The following EPHA8 variants were observed in gnomAD, a reference collection of about 807,000 sequenced individuals.
The protein encoded by EPHA8 is EPH receptor A8, also known as ephrin type-A receptor 8.
Under a neutral mutation model 103.6 loss-of-function variants are expected in EPHA8, and 58 were observed. That is an observed-to-expected ratio of 0.56 (90% CI 0.45 to 0.70). The LOEUF is 0.70. Ranked by LOEUF, EPHA8 falls within the 30% of genes least tolerant of loss-of-function variation. EPHA8 has a pLI of 0.00. For missense variants in EPHA8, 1,304 were observed against 1,395.2 expected (o/e 0.93, Z 1.04); for synonymous variants, 559 against 572.5 (o/e 0.98, Z 0.34).
At chr1:22,594,516 TC>T (rs1378107224) in intron 7 of EPHA8, among the ~76,000 whole-genome samples, 2 of 152,210 alleles carry the variant, frequency 1.3e-5, no homozygotes, top group Non-Finnish European at 2.9e-5. Flanking sequence ...TCCTCGGTGA[TC>T]CCCAGGCACT....
intron 1 of EPHA8, among the ~76,000 whole-genome samples, chr1:22,565,375 G>A (rs1044737062): frequency 7.9e-5 from 12 of 152,106 alleles, no homozygotes; most frequent in East Asian, 1.9e-4. Flanking sequence ...ACAGGTTCCC[G>A]GGGCACCAGG....
Position 22,600,817 on chromosome 1 carries a change from G to A in EPHA8, c.2538+7G>A, listed in dbSNP as rs375303403. ...GAACATGACCAACCGGGATGTGAGT[G>A]CCAAGCCCTGGCAGGTCCGCGGGCG... On this transcript the variant is annotated splice_region_variant and intron_variant, in intron 14 of 16. Coordinates refer to ENST00000166244, the MANE Select transcript of EPHA8 (RefSeq NM_020526.5). The A allele has an allele frequency of 8.1e-6, 13 of 1,602,164 alleles. No individual in the cohort carries two copies. Among genetic ancestry groups the A allele is most frequent in the African/African-American group, 2.7e-5 (2 of 74,768 alleles).
chr1:22,578,562 TGTTA>T (rs1557560997), intron 3 of EPHA8, among the ~76,000 whole-genome samples: 4 of 145,982 alleles, frequency 2.7e-5, no homozygotes, highest in African/African-American at 1.0e-4. Context: ...TGTGCACATT[TGTTA>T]GTGTCTGCAT....
chr1:22,564,536 G>A (rs1200297062), intron 1 of EPHA8, among the ~76,000 whole-genome samples: 1 of 152,028 alleles, frequency 6.6e-6, no homozygotes, highest in Non-Finnish European at 1.5e-5. Flanking sequence ...CTGGGGCCCT[G>A]TGTGGGAGGA....
At position 22,593,175 on chromosome 1, in the gene EPHA8, G is replaced by A. The variant is rs1352426612; in HGVS notation, c.1316-151G>A. On this transcript the variant is annotated intron_variant, in intron 5 of 16. Transcript: ENST00000166244. ...CCACCAGCGATTTGTTGGGAGAACTGGAGGGTGCTGGCTGTCCTGGGGCTG... is the reference window on the plus strand; with the variant it reads ...CCACCAGCGATTTGTTGGGAGAACTAGAGGGTGCTGGCTGTCCTGGGGCTG... The A allele has an allele frequency of 2.0e-5, 25 of 1,223,304 alleles. No homozygotes were observed. The East Asian group carries it at 6.2e-4, about 30-fold the overall frequency. 75.8% of individuals were successfully genotyped at this position (1,223,304 alleles called of 1,614,324 possible). A position where few individuals can be genotyped will look rare whatever the true frequency, so the allele number is the denominator to read the frequency against.
chr1:22,589,433 C>G lies in EPHA8; in HGVS notation c.1315+227C>G. ...GAAATCCCAAAAGCTCAGAGGCAGGCTAGTGTGGCCGTCGAAAGCCTAGGT... is the reference window on the plus strand; with the variant it reads ...GAAATCCCAAAAGCTCAGAGGCAGGGTAGTGTGGCCGTCGAAAGCCTAGGT... On this transcript the variant is annotated intron_variant, in intron 5 of 16. Transcript: ENST00000166244. This position sits in a 1 kb window ranked among gnomAD's most constrained non-coding sequence, Gnocchi z 4.3. The G allele has an allele frequency of 1.3e-6, 2 of 1,494,712 alleles. No homozygotes were observed. Among genetic ancestry groups the G allele is most frequent in the South Asian group, 2.8e-5 (2 of 71,874 alleles). The allele number at this position is 1,494,712 out of a possible 1,614,324, so 92.6% of individuals were successfully genotyped here.
Position 22,601,431 on chromosome 1 carries a change from G to T in EPHA8, c.2861G>T (p.Gly954Val). 6.2e-7 allele frequency: 1 copy of T among 1,610,860 alleles called. No individual in the cohort carries two copies. The stretch of plus-strand genomic sequence containing the variant: ...CGGTACCGAGACCACTTCGCTGCGG[G>T]CGGATACTCCTCTCTGGGCATGGTG... Reference protein sequence around the residue: ...MGRYRDHFAAGGYSSLGMVLR... With the variant: ...MGRYRDHFAAVGYSSLGMVLR... The change falls in exon 16 of 17, where the codon GGC (glycine) becomes GTC (valine). Residue 954 changes from glycine to valine, a missense_variant. Coordinates refer to ENST00000166244, the MANE Select transcript of EPHA8 (RefSeq NM_020526.5).
intron 2 of EPHA8, among the ~76,000 whole-genome samples, chr1:22,574,809 A>G (rs987642550): frequency 1.3e-5 from 2 of 152,226 alleles, no homozygotes; most frequent in Admixed American, 1.3e-4. Context: ...ATACCCAGAA[A>G]TGGGATTGCT....
rs1320220589 is a variant in EPHA8 at position 22,567,110 on chromosome 1, G to T, written c.95-2179G>T. The stretch of plus-strand genomic sequence containing the variant: ...GCGGTGTCTGCAGGCCCTGAAGCCT[G>T]CACGCTCCAGGGCGAGAATCCTAAG... On this transcript the variant is annotated intron_variant, in intron 1 of 16. Transcript: ENST00000166244. The surrounding 1 kb of genome is among the most constrained non-coding windows in gnomAD (Gnocchi z 4.2). Among the ~76,000 whole-genome samples the T allele has an allele frequency of 6.6e-6, 1 of 152,320 alleles. No individual in the cohort carries two copies. Among genetic ancestry groups the T allele is most frequent in the African/African-American group, 2.4e-5 (1 of 41,582 alleles).
At chr1:22,570,076 C>T (rs1006542040) in intron 2 of EPHA8, among the ~76,000 whole-genome samples, 2 of 152,162 alleles carry the variant, frequency 1.3e-5, no homozygotes, top group African/African-American at 4.8e-5. Context: ...CCCAGGTCTG[C>T]GCCAGGGTGA....
intron 5 of EPHA8, 116 bp from the exon 6 acceptor site, chr1:22,593,210 C>G (rs1641419017): frequency 7.0e-7 from 1 of 1,433,174 alleles, no homozygotes; most frequent in African/African-American, 1.4e-5. Context: ...GGGGCAGGAC[C>G]ATCAGGAAGC....
At position 22,576,232 on chromosome 1, in the gene EPHA8, G is replaced by A. The variant is rs760621090; in HGVS notation, c.175G>A (p.Glu59Lys). ...CTGCCCACAGTGGGACTCCATCAAC[G>A]AGGTGGACGAGTCCTTCCAGCCCAT... The part of the protein sequence containing the change: ...YPAHGWDSIN[E>K]VDESFQPIHT... Residue 59 changes from glutamate (E) to lysine (K), a missense_variant, in exon 3 of 17, where the codon GAG becomes AAG. Physicochemically the swap from Glu to Lys is moderately conservative, Grantham distance 56. Coordinates refer to ENST00000166244, the MANE Select transcript of EPHA8 (RefSeq NM_020526.5). The surrounding 1 kb of genome is among the most constrained non-coding windows in gnomAD (Gnocchi z 4.8). The A allele has an allele frequency of 1.2e-6, 2 of 1,609,060 alleles. No individual in the cohort carries two copies. The highest frequency in any genetic ancestry group is 1.1e-5 in the South Asian group (1 of 90,708).
rs664340 is a variant in EPHA8, at chr1:22,598,799, G to T, written c.2179-39G>T. On this transcript the variant is annotated intron_variant, in intron 12 of 16. Coordinates refer to ENST00000166244, the MANE Select transcript of EPHA8 (RefSeq NM_020526.5). This position sits in a 1 kb window ranked among gnomAD's most constrained non-coding sequence, Gnocchi z 5.1. ...TTCCTGTTCACGGACCAGGCGCCTCGCCGGGCTTTCCTGAAGTCCAAGCCA... is the reference window on the plus strand; with the variant it reads ...TTCCTGTTCACGGACCAGGCGCCTCTCCGGGCTTTCCTGAAGTCCAAGCCA... The T allele has an allele frequency of 5.0e-6, 8 of 1,596,344 alleles. No individual in the cohort carries two copies. The highest frequency in any genetic ancestry group is 6.8e-6 in the Non-Finnish European group (8 of 1,168,848).
At position 22,601,218 on chromosome 1, in the gene EPHA8, G is replaced by T. The variant is rs192654590; in HGVS notation, c.2730-82G>T. The T allele has an allele frequency of 8.9e-4, 1,366 of 1,537,526 alleles. 10 individuals are homozygous for T. In the African/African-American group the frequency reaches 0.016, roughly 18 times the overall value. Reference sequence around the variant, plus strand: ...CTGGGCCCCCGGCCCCTGCCCTGCCGAACCCCTTCCTCAGCCTGCTTCTTC... The same window carrying T: ...CTGGGCCCCCGGCCCCTGCCCTGCCTAACCCCTTCCTCAGCCTGCTTCTTC... On this transcript the variant is annotated intron_variant, in intron 15 of 16. Transcript: ENST00000166244.
At chr1:22,577,993 GTACACC>G (rs1311713150) in intron 3 of EPHA8, among the ~76,000 whole-genome samples, 1 of 636 alleles carries the variant, frequency 1.6e-3, no homozygotes, top group Non-Finnish European at 3.2e-3. Context: ...ATGTGTGCAT[GTACACC>G]TGTGTGTGCA....
intron 13 of EPHA8, 37 bp from the exon 14 acceptor site, chr1:22,600,624 C>T (rs1258667771): frequency 1.2e-6 from 2 of 1,607,952 alleles, no homozygotes; most frequent in Non-Finnish European, 8.5e-7. Flanking sequence ...CCCTGCCAGG[C>T]CTGGGCAGCC....
chr1:22,586,968 G>T (rs1226949847), intron 4 of EPHA8, among the ~76,000 whole-genome samples: 1 of 152,282 alleles, frequency 6.6e-6, no homozygotes, highest in African/African-American at 2.4e-5. Context: ...GGCAAGCCAG[G>T]GTGCTCGCCT....
In EPHA8 at chr1:22,599,865, AAGG is replaced by A. The variant is rs1557583692; in HGVS notation, c.2389-795_2389-793del. Among the ~76,000 whole-genome samples the A allele has an allele frequency of 4.2e-4, 23 of 54,132 alleles. No individual in the cohort carries two copies. In the East Asian group the frequency reaches 5.1e-3, roughly 12 times the overall value. The allele number at this position is 54,132 out of a possible 152,430, so 35.5% of individuals were successfully genotyped here. The stretch of plus-strand genomic sequence containing the variant: ...AGGAGAGGAGGGGAGGGAAGGGAGG[AAGG>A]GAAGGAGGGAGGGAGTGGGGGAGGA... On this transcript the variant is annotated intron_variant, in intron 13 of 16. Coordinates refer to ENST00000166244, the MANE Select transcript of EPHA8 (RefSeq NM_020526.5).
intron 1 of EPHA8, among the ~76,000 whole-genome samples, chr1:22,566,495 C>G (rs1176137446): frequency 6.6e-6 from 1 of 152,208 alleles, no homozygotes; most frequent in Non-Finnish European, 1.5e-5. Context: ...TTGATCCCCC[C>G]AGAACAGCCC....
Sources: gnomAD v4.1 joint callset for allele counts (sites outside exome capture counted in the v4.1 genomes callset) on GRCh38, gnomAD v4.1.1 for gene constraint, Gnocchi (gnomAD v3.1) non-coding constraint, MANE v1.5 for transcripts, NCBI Gene and HGNC (gene_info 2026-07-23, HGNC 2026-07-21) for gene names.